LCN9: variants seen among roughly 807,000 people sequenced by gnomAD.
The protein encoded by LCN9 is lipocalin 9.
LCN9 carries 22 observed loss-of-function variants against 18.5 expected under a neutral mutation model. That is an observed-to-expected ratio of 1.19 (90% CI 0.85 to 1.70). The LOEUF (loss-of-function observed/expected upper bound fraction) is 1.70, where lower values mean the gene tolerates loss of function less well. Among genes scored for constraint, LCN9 ranks in the 40% most tolerant of loss-of-function variants. LCN9 has a pLI of 0.00. For missense variants in LCN9, 202 were observed against 201.3 expected (o/e 1.00, Z -0.02); for synonymous variants, 89 against 83.0 (o/e 1.07, Z -0.39).
At position 135,665,184 on chromosome 9, in the gene LCN9, ACG is replaced by A; in HGVS notation, c.308-60_308-59del. 1.7e-6 allele frequency: 2 copies of A among 1,158,076 alleles called. No homozygotes were observed. Among genetic ancestry groups the A allele is most frequent in the Non-Finnish European group, 2.5e-6 (2 of 789,992 alleles). 71.7% of individuals were successfully genotyped at this position (1,158,076 alleles called of 1,614,324 possible). A position where few individuals can be genotyped will look rare whatever the true frequency, so the allele number is the denominator to read the frequency against. On this transcript the variant is annotated intron_variant, in intron 3 of 5. Coordinates refer to ENST00000619315, the Ensembl canonical transcript of LCN9. The surrounding 1 kb of genome is among the most constrained non-coding windows in gnomAD (Gnocchi z 5.9). The stretch of plus-strand genomic sequence containing the variant: ...CCATCCTCACTTGCGGCCACACAGC[ACG>A]TGTCACAGGACCCTGAGGGTGGCGG...
In LCN9 at chr9:135,664,414, G is replaced by A. The variant is rs1305514147; in HGVS notation, c.233+116G>A. 7.4e-7 allele frequency: 1 copy of A among 1,348,744 alleles called. No individual in the cohort carries two copies. The highest frequency in any genetic ancestry group is 1.0e-6 in the Non-Finnish European group (1 of 965,010). The allele number at this position is 1,348,744 out of a possible 1,614,324, so 83.5% of individuals were successfully genotyped here. On this transcript the variant is annotated intron_variant, in intron 2 of 5. Coordinates refer to ENST00000619315, the Ensembl canonical transcript of LCN9. This position sits in a 1 kb window ranked among gnomAD's most constrained non-coding sequence, Gnocchi z 4.5. ...CACTCACTGACTTGCACTCTGGTGAGAGCCTGAGCCTGTGCGTGTGACCCT... is the reference window on the plus strand; with the variant it reads ...CACTCACTGACTTGCACTCTGGTGAAAGCCTGAGCCTGTGCGTGTGACCCT...
chr9:135,666,322 G>C (rs920401157), exon 6 of LCN9: 1 of 595,516 alleles, frequency 1.7e-6, no homozygotes, highest in Admixed American at 3.1e-5. Context: ...CTGGCTTGTG[G>C]CTGTCACTCC....
chr9:135,664,351 C>T lies in LCN9; in HGVS notation c.233+53C>T. 2 of 1,602,952 alleles carry T rather than the reference C, an allele frequency of 1.2e-6. No homozygotes were observed. Among genetic ancestry groups the T allele is most frequent in the South Asian group, 1.1e-5 (1 of 90,514 alleles). Reference sequence around the variant, plus strand: ...CAGGAAGACCCATGCCCCTGCCACCCCAACGCATACTCTCACTCTTGCACA... The same window carrying T: ...CAGGAAGACCCATGCCCCTGCCACCTCAACGCATACTCTCACTCTTGCACA... On this transcript the variant is annotated intron_variant, in intron 2 of 5. Coordinates refer to ENST00000619315, the Ensembl canonical transcript of LCN9. The surrounding 1 kb of genome is among the most constrained non-coding windows in gnomAD (Gnocchi z 4.5).
rs989768723 is a variant in LCN9 at position 135,664,098 on chromosome 9, T to G, written c.97-64T>G. ...GGCCGGGCCCTGGGAGGGAAGACTG[T>G]GGGCGCTAAGCATCCCCAGGGCTGT... On this transcript the variant is annotated intron_variant, in intron 1 of 5. Coordinates refer to ENST00000619315, the Ensembl canonical transcript of LCN9. The surrounding 1 kb of genome is among the most constrained non-coding windows in gnomAD (Gnocchi z 4.5). The G allele has an allele frequency of 6.3e-7, 1 of 1,578,640 alleles. No homozygotes were observed. Among genetic ancestry groups the G allele is most frequent in the Non-Finnish European group, 8.6e-7 (1 of 1,158,450 alleles).
intron 1 of LCN9, 45 bp downstream of exon 1, chr9:135,663,462 G>C (rs776171283): frequency 1.3e-6 from 2 of 1,557,494 alleles, no homozygotes; most frequent in Non-Finnish European, 1.8e-6. Context: ...AGGCTTCAAG[G>C]CACCTGTCTT....
exon 6 of LCN9, chr9:135,666,540 G>C (rs953216804): frequency 1.2e-5 from 2 of 168,376 alleles, no homozygotes; most frequent in South Asian, 3.0e-4. Context: ...GTCACCACAG[G>C]CTCCTTCTCC....
At chr9:135,666,262 C>A in exon 6 of LCN9, 1 of 981,722 alleles carries the variant, frequency 1.0e-6, no homozygotes, top group East Asian at 2.6e-5. Context: ...CACCAGCTCC[C>A]GGGAAGGGTC....
In LCN9 at chr9:135,665,010, G is replaced by C. The variant is rs560955334; in HGVS notation, c.307+215G>C. On this transcript the variant is annotated intron_variant, in intron 3 of 5. Coordinates refer to ENST00000619315, the Ensembl canonical transcript of LCN9. This position sits in a 1 kb window ranked among gnomAD's most constrained non-coding sequence, Gnocchi z 5.9. ...GGTGTGTCATGCTGAGCTCTGGGGG[G>C]TGAGCCCACTGAGGGGCCACCAGGG... 2.0e-5 allele frequency among the ~76,000 whole-genome samples: 3 copies of C among 152,142 alleles called. No homozygotes were observed. Among genetic ancestry groups the C allele is most frequent in the African/African-American group, 7.2e-5 (3 of 41,438 alleles).
chr9:135,665,464 T>C lies in LCN9; in HGVS notation c.418+109T>C, dbSNP rs1834202753. 2 of 943,388 alleles carry C rather than the reference T, an allele frequency of 2.1e-6. No individual in the cohort carries two copies. The highest frequency in any genetic ancestry group is 1.5e-5 in the South Asian group (1 of 68,890). The allele number at this position is 943,388 out of a possible 1,614,324, so 58.4% of individuals were successfully genotyped here. On this transcript the variant is annotated intron_variant, in intron 4 of 5. Coordinates refer to ENST00000619315, the Ensembl canonical transcript of LCN9. The surrounding 1 kb of genome is among the most constrained non-coding windows in gnomAD (Gnocchi z 5.9). The stretch of plus-strand genomic sequence containing the variant: ...GCAGTGGCCCTGGGGTTTGGAGAGG[T>C]GGTTCCCGTTGGCTATTCCTTCCCA...
At chr9:135,666,350 G>A in exon 6 of LCN9, 3 of 561,112 alleles carry the variant, frequency 5.3e-6, no homozygotes, top group Non-Finnish European at 6.3e-6. Context: ...GCCTCTGTCT[G>A]TGTCTCCTCT....
chr9:135,663,392 T>A (rs1355843933), exon 1 of LCN9: 8 of 1,613,812 alleles, frequency 5.0e-6, no homozygotes, highest in Non-Finnish European at 5.1e-6. Flanking sequence ...CACACCGTTA[T>A]GCAGAGGAAC....
chr9:135,664,647 G>A lies in LCN9; in HGVS notation c.234-75G>A, dbSNP rs956885000. ...TGGGAGGGTGAGCCTGTGCCCTGGA[G>A]GAGGGGTGCTCTCTGCCATCGCACG... On this transcript the variant is annotated intron_variant, in intron 2 of 5. Coordinates refer to ENST00000619315, the Ensembl canonical transcript of LCN9. This position sits in a 1 kb window ranked among gnomAD's most constrained non-coding sequence, Gnocchi z 4.5. The A allele has an allele frequency of 3.1e-6, 4 of 1,310,466 alleles. No homozygotes were observed. The highest frequency in any genetic ancestry group is 4.2e-6 in the Non-Finnish European group (4 of 956,370). 81.2% of individuals were successfully genotyped at this position (1,310,466 alleles called of 1,614,324 possible). A position where few individuals can be genotyped will look rare whatever the true frequency, so the allele number is the denominator to read the frequency against.
In LCN9 at chr9:135,664,087, A is replaced by G; in HGVS notation, c.97-75A>G. ...AGATGCTAAGGGGCCGGGCCCTGGG[A>G]GGGAAGACTGTGGGCGCTAAGCATC... On this transcript the variant is annotated intron_variant, in intron 1 of 5. Transcript: ENST00000619315. This position sits in a 1 kb window ranked among gnomAD's most constrained non-coding sequence, Gnocchi z 4.5. 2 of 1,536,540 alleles carry G rather than the reference A, an allele frequency of 1.3e-6. No individual in the cohort carries two copies. Among genetic ancestry groups the G allele is most frequent in the Non-Finnish European group, 1.8e-6 (2 of 1,127,518 alleles).
chr9:135,664,465 G>A lies in LCN9; in HGVS notation c.233+167G>A, dbSNP rs1588215386. ...TGGGGGCAGGGTGAGGTGGGAGCAG[G>A]GACTTGGTCTGCCTGGCACTGTGCT... On this transcript the variant is annotated intron_variant, in intron 2 of 5. Transcript: ENST00000619315. The surrounding 1 kb of genome is among the most constrained non-coding windows in gnomAD (Gnocchi z 4.5). 6.6e-6 allele frequency among the ~76,000 whole-genome samples: 1 copy of A among 152,212 alleles called. No individual in the cohort carries two copies. Among genetic ancestry groups the A allele is most frequent in the East Asian group, 1.9e-4 (1 of 5,164 alleles).
Position 135,664,176 on chromosome 9 carries a change from G to C in LCN9, c.111G>C (p.Trp37Cys). 1 of 1,613,718 alleles carries C rather than the reference G, an allele frequency of 6.2e-7. No homozygotes were observed. Among genetic ancestry groups the C allele is most frequent in the South Asian group, 1.1e-5 (1 of 91,080 alleles). ...TTTGTCTTCAGGTTTCAGGGGTCTG[G>C]TATTCTATTTTCATGGCCTCAGATG... Residue 37 changes from tryptophan (W) to cysteine (C), a missense_variant, in exon 2 of 6, where the codon TGG becomes TGC. Trp to Cys is a radical substitution (Grantham distance 215). Transcript: ENST00000619315. The surrounding 1 kb of genome is among the most constrained non-coding windows in gnomAD (Gnocchi z 4.5).
chr9:135,665,514 T>G lies in LCN9; in HGVS notation c.418+159T>G, dbSNP rs1245680913. On this transcript the variant is annotated intron_variant, in intron 4 of 5. Coordinates refer to ENST00000619315, the Ensembl canonical transcript of LCN9. The surrounding 1 kb of genome is among the most constrained non-coding windows in gnomAD (Gnocchi z 5.9). ...ACAGACACACCGTTAGGGTGCTGGG[T>G]GCTTCAATCTGTCACCTCCCATCTC... The G allele has an allele frequency of 1.1e-5, 9 of 806,338 alleles. No individual in the cohort carries two copies. Among genetic ancestry groups the G allele is most frequent in the Non-Finnish European group, 1.8e-5 (9 of 496,176 alleles). 49.9% of individuals were successfully genotyped at this position (806,338 alleles called of 1,614,324 possible). A position where few individuals can be genotyped will look rare whatever the true frequency, so the allele number is the denominator to read the frequency against.
chr9:135,666,217 T>C, exon 6 of LCN9: 1 of 1,458,942 alleles, frequency 6.9e-7, no homozygotes, highest in Non-Finnish European at 9.2e-7. Context: ...GAGCCCGAGG[T>C]CTGAAACCCG....
chr9:135,665,868 C>A lies in LCN9; in HGVS notation c.*17C>A, dbSNP rs928785557. 1.9e-5 allele frequency: 30 copies of A among 1,612,826 alleles called. No individual in the cohort carries two copies. Among genetic ancestry groups the A allele is most frequent in the Non-Finnish European group, 2.4e-5 (28 of 1,179,534 alleles). ...CCCCCTCTGTCCTTCCAGATCCCTG[C>A]TACTCCAAGCATTACAGGAGCCCGC... On this transcript the variant is annotated 3_prime_UTR_variant, in exon 6 of 6. Transcript: ENST00000619315. This position sits in a 1 kb window ranked among gnomAD's most constrained non-coding sequence, Gnocchi z 5.9.
chr9:135,663,514 T>G, intron 1 of LCN9, 97 bp downstream of exon 1: 1 of 862,414 alleles, frequency 1.2e-6, no homozygotes, highest in African/African-American at 1.8e-5. Flanking sequence ...GGGCAACTGG[T>G]CCAAGGGGAG....
Sources: gnomAD v4.1 joint callset for allele counts (sites outside exome capture counted in the v4.1 genomes callset) on GRCh38, gnomAD v4.1.1 for gene constraint, Gnocchi (gnomAD v3.1) non-coding constraint, MANE v1.5 for transcripts, NCBI Gene and HGNC (gene_info 2026-07-23, HGNC 2026-07-21) for gene names.